The following LPAR3 variants were observed in gnomAD, a reference collection of about 807,000 sequenced individuals.
LPAR3 encodes the protein LPA receptor 3.
A neutral mutation model predicts 17.8 loss-of-function variants in LPAR3; 7 were observed. The observed-to-expected ratio is 0.39, with a 90% CI of 0.22 to 0.74. LPAR3 has a LOEUF of 0.74. Among genes scored for constraint, LPAR3 ranks in the 30% least tolerant of loss-of-function variants. LPAR3 has a pLI of 0.40. For synonymous variants in LPAR3, 179 were observed against 179.9 expected, an observed-to-expected ratio of 0.99 and a Z score of 0.04; for missense variants, 391 against 453.4, an observed-to-expected ratio of 0.86 and a Z score of 1.25.
intron 1 of LPAR3, among the ~76,000 whole-genome samples, chr1:84,888,181 G>C (rs12031075): frequency 0.21 from 6,682 of 31,796 alleles, 193 homozygotes; most frequent in African/African-American, 0.29. Context: ...CACACACACA[G>C]AGAGAGGCAG....
intron 1 of LPAR3, among the ~76,000 whole-genome samples, chr1:84,890,685 G>A (rs566217478): frequency 6.6e-6 from 1 of 152,284 alleles, no homozygotes; most frequent in Non-Finnish European, 1.5e-5. Context: ...TATAATCACA[G>A]GCCAGAAAGC....
rs553757758 is a variant in LPAR3 at position 84,861,276 on chromosome 1, T to C, written c.736+4109A>G. Among the ~76,000 whole-genome samples the C allele has an allele frequency of 3.3e-5, 5 of 152,288 alleles. No homozygotes were observed. In the South Asian group the frequency reaches 8.3e-4, roughly 25 times the overall value. The stretch of plus-strand genomic sequence containing the variant: ...TGTTTCAGGCAATTGAATTCTTACA[T>C]GTAGTATGTAGGGAACTGGGGGCTT... On this transcript the variant is annotated intron_variant, in intron 2 of 2. Coordinates refer to ENST00000370611, the MANE Select transcript of LPAR3 (RefSeq NM_012152.3).
chr1:84,880,815 G>A (rs1161272916), intron 1 of LPAR3, among the ~76,000 whole-genome samples: 1 of 152,182 alleles, frequency 6.6e-6, no homozygotes, highest in African/African-American at 2.4e-5. Flanking sequence ...CCCTTCAAAT[G>A]TGGCCACAGA....
chr1:84,826,890 A>C (rs1405872455), intron 2 of LPAR3, among the ~76,000 whole-genome samples: 4 of 152,160 alleles, frequency 2.6e-5, no homozygotes, highest in Non-Finnish European at 5.9e-5. Flanking sequence ...CTTCACTAAA[A>C]CTACTCCTGT....
At chr1:84,864,910 C>G (rs1250268163) in intron 2 of LPAR3, among the ~76,000 whole-genome samples, 1 of 152,170 alleles carries the variant, frequency 6.6e-6, no homozygotes, top group Non-Finnish European at 1.5e-5. Context: ...ACTCCCTCTG[C>G]TCGATCCATG....
At chr1:84,838,661 C>T (rs565586836) in intron 2 of LPAR3, among the ~76,000 whole-genome samples, 2 of 152,260 alleles carry the variant, frequency 1.3e-5, no homozygotes, top group East Asian at 3.9e-4. Flanking sequence ...CAGTCTCAAC[C>T]TCTCTAATTC....
rs373835273 is a variant in LPAR3, at chr1:84,838,341, C to CATCT, written c.737-24174_737-24171dup. Among the ~76,000 whole-genome samples, 312 of 152,264 alleles carry CATCT rather than the reference C, an allele frequency of 2.0e-3. 1 individual carries two copies. Among genetic ancestry groups the CATCT allele is most frequent in the Middle Eastern group, 0.01 (3 of 294 alleles). ...CACCCTCTTGCATGGTATACTCCAC[C>CATCT]ATCTTCTCATGGTCCCATTCTCAAA... On this transcript the variant is annotated intron_variant, in intron 2 of 2. Coordinates refer to ENST00000370611, the MANE Select transcript of LPAR3 (RefSeq NM_012152.3).
chr1:84,884,131 C>T (rs1660415222), intron 1 of LPAR3, among the ~76,000 whole-genome samples: 1 of 152,330 alleles, frequency 6.6e-6, no homozygotes, highest in African/African-American at 2.4e-5. Context: ...TTCCTTTGTT[C>T]TCCCTTGCCT....
intron 1 of LPAR3, among the ~76,000 whole-genome samples, chr1:84,877,307 T>A (rs1660277672): frequency 6.6e-6 from 1 of 152,174 alleles, no homozygotes; most frequent in African/African-American, 2.4e-5. Flanking sequence ...TACACAGTGG[T>A]GTTTCCAGTG....
intron 2 of LPAR3, among the ~76,000 whole-genome samples, chr1:84,850,789 G>T (rs1290073274): frequency 6.6e-6 from 1 of 152,208 alleles, no homozygotes; most frequent in African/African-American, 2.4e-5. Context: ...GACACAGGAG[G>T]CCTGCATTCC....
At chr1:84,856,490 G>A (rs940776698) in intron 2 of LPAR3, among the ~76,000 whole-genome samples, 6 of 152,154 alleles carry the variant, frequency 3.9e-5, no homozygotes, top group African/African-American at 1.4e-4. Flanking sequence ...CAACTACAAG[G>A]CCACAGAAGC....
intron 2 of LPAR3, among the ~76,000 whole-genome samples, chr1:84,846,495 A>T (rs1196292047): frequency 6.6e-6 from 1 of 152,114 alleles, no homozygotes; most frequent in Non-Finnish European, 1.5e-5. Context: ...ATAGCTACTT[A>T]TATTTCTCTG....
chr1:84,852,358 C>T (rs557161127), intron 2 of LPAR3, among the ~76,000 whole-genome samples: 11 of 152,160 alleles, frequency 7.2e-5, no homozygotes, highest in Non-Finnish European at 1.5e-4. Context: ...GGATTACAGG[C>T]ATGAGCCACT....
intron 1 of LPAR3, among the ~76,000 whole-genome samples, chr1:84,879,316 C>CT (rs1187756554): frequency 0.012 from 1,398 of 120,582 alleles, 93 homozygotes; most frequent in African/African-American, 0.045. Flanking sequence ...TTTCTTTTTT[C>CT]TTTTTTTTTT....
Position 84,865,992 on chromosome 1 carries a change from A to T in LPAR3, c.129T>A (p.Phe43Leu). 6.2e-7 allele frequency: 1 copy of T among 1,614,172 alleles called. No homozygotes were observed. Among genetic ancestry groups the T allele is most frequent in the Non-Finnish European group, 8.5e-7 (1 of 1,180,040 alleles). The change falls in exon 2 of 3, where the codon TTT (phenylalanine) becomes TTA (leucine). Residue 43 changes from phenylalanine (F) to leucine (L), a missense_variant. Phe to Leu is a conservative substitution (Grantham distance 22). Transcript: ENST00000370611. ...VLCVGTFFCLFIFFSNSLVIA... is the reference protein window; with the variant it reads ...VLCVGTFFCLLIFFSNSLVIA... ...TGACCAGAGAATTAGAAAAAAAAAT[A>T]AACAGGCAGAAAAACGTCCCAACAC...
chr1:84,851,461 C>G (rs969723229), intron 2 of LPAR3, among the ~76,000 whole-genome samples: 14 of 152,208 alleles, frequency 9.2e-5, no homozygotes, highest in African/African-American at 3.4e-4. Flanking sequence ...CACACACACA[C>G]AGTCCTGTCC....
intron 2 of LPAR3, among the ~76,000 whole-genome samples, chr1:84,847,780 C>A (rs1659619816): frequency 6.6e-6 from 1 of 152,228 alleles, no homozygotes; most frequent in Non-Finnish European, 1.5e-5. Flanking sequence ...GATTCCCAAC[C>A]TGGCCTACAG....
chr1:84,871,476 T>A (rs1455053884), intron 1 of LPAR3, among the ~76,000 whole-genome samples: 7 of 152,134 alleles, frequency 4.6e-5, no homozygotes. Context: ...TCAATAACAA[T>A]CTCTCCTTCC....
At chr1:84,825,173 A>G (rs182924367) in intron 2 of LPAR3, among the ~76,000 whole-genome samples, 10 of 152,324 alleles carry the variant, frequency 6.6e-5, no homozygotes, top group Admixed American at 5.2e-4. Context: ...GCCAACATGC[A>G]GTGCTAGGAA....
Sources: allele counts gnomAD v4.1 joint callset (sites outside exome capture counted in the v4.1 genomes callset), GRCh38; gene constraint gnomAD v4.1.1; transcripts MANE v1.5; gene names NCBI Gene and HGNC (gene_info 2026-07-23, HGNC 2026-07-21).